NINL: variants seen among roughly 807,000 people sequenced by gnomAD.
NINL encodes ninein like, also known as ninein-like protein.
NINL carries 153 observed loss-of-function variants against 160.3 expected under a neutral mutation model. That is an observed-to-expected ratio of 0.95 (90% confidence interval 0.84 to 1.09). The LOEUF is 1.09. NINL is among the 50% of genes least tolerant of loss of function. NINL has a pLI of 0.00. For missense variants in NINL, 1,829 were observed against 1,764.0 expected (o/e 1.04, Z -0.66); for synonymous variants, 800 against 734.8 (o/e 1.09, Z -1.43).
intron 1 of NINL, among the ~76,000 whole-genome samples, chr20:25,550,525 T>A (rs1156939377): frequency 6.6e-6 from 1 of 151,854 alleles, no homozygotes; most frequent in African/African-American, 2.4e-5. Context: ...TATTTATTGA[T>A]CACTATCTAT....
intron 1 of NINL, among the ~76,000 whole-genome samples, chr20:25,533,481 A>G (rs1221995580): frequency 6.6e-6 from 1 of 152,234 alleles, no homozygotes; most frequent in Non-Finnish European, 1.5e-5. Flanking sequence ...AAGCTCCTAT[A>G]AAGTGTATCT....
intron 19 of NINL, among the ~76,000 whole-genome samples, chr20:25,463,684 C>G (rs764417032): frequency 3.3e-5 from 5 of 152,238 alleles, no homozygotes; most frequent in African/African-American, 4.8e-5. Flanking sequence ...CTGACCCGCT[C>G]TCAGCACAAT....
intron 1 of NINL, among the ~76,000 whole-genome samples, chr20:25,574,294 G>A (rs551050029): frequency 6.6e-5 from 10 of 151,306 alleles, no homozygotes; most frequent in Non-Finnish European, 1.5e-4. Flanking sequence ...GTCATTTCAA[G>A]AAACAAAGCT....
At chr20:25,462,270 A>C in intron 20 of NINL, 113 bp downstream of exon 20, 1 of 936,010 alleles carries the variant, frequency 1.1e-6, no homozygotes. Context: ...ATGCTTGGGA[A>C]GTCCCTCACT....
chr20:25,554,298 C>T (rs1042701469), intron 1 of NINL, among the ~76,000 whole-genome samples: 3 of 152,100 alleles, frequency 2.0e-5, no homozygotes, highest in African/African-American at 7.2e-5. Context: ...AAGGACAGCC[C>T]CCTGAGTGCC....
intron 5 of NINL, 77 bp downstream of exon 5, chr20:25,510,597 G>A: frequency 7.8e-7 from 1 of 1,277,044 alleles, no homozygotes; most frequent in South Asian, 1.2e-5. Context: ...GTTGCACACT[G>A]CCCAATGACC....
chr20:25,510,436 C>T (rs1189276650), intron 5 of NINL, among the ~76,000 whole-genome samples: 5 of 152,230 alleles, frequency 3.3e-5, no homozygotes, highest in South Asian at 2.1e-4. Context: ...CCCTCGGCCA[C>T]GGGCCTCTGC....
chr20:25,463,267 G>A (rs1393954771), intron 19 of NINL, among the ~76,000 whole-genome samples: 7 of 152,104 alleles, frequency 4.6e-5, no homozygotes, highest in Non-Finnish European at 8.8e-5. Context: ...GACCTTTCAC[G>A]TTTTTCTCAT....
chr20:25,457,492 A>G (rs2090718051), intron 22 of NINL, among the ~76,000 whole-genome samples: 1 of 152,214 alleles, frequency 6.6e-6, no homozygotes, highest in Non-Finnish European at 1.5e-5. Flanking sequence ...GTGTTAGTGT[A>G]TTCTTCTAGG....
At chr20:25,559,523 G>A (rs2147125177) in intron 1 of NINL, among the ~76,000 whole-genome samples, 1 of 152,284 alleles carries the variant, frequency 6.6e-6, no homozygotes, top group East Asian at 1.9e-4. Flanking sequence ...ACAGGCATCA[G>A]CCACCTCACC....
chr20:25,535,559 G>A (rs1366286984), intron 1 of NINL, among the ~76,000 whole-genome samples: 1 of 152,032 alleles, frequency 6.6e-6, no homozygotes, highest in Non-Finnish European at 1.5e-5. Flanking sequence ...AACTGGGGTG[G>A]GGGAGAAGTT....
intron 18 of NINL, among the ~76,000 whole-genome samples, chr20:25,469,624 C>T (rs932336816): frequency 6.6e-6 from 1 of 152,144 alleles, no homozygotes; most frequent in Non-Finnish European, 1.5e-5. Context: ...CTAGGAGCAC[C>T]TCTGACCCCT....
At chr20:25,551,792 T>C (rs1443861625) in intron 1 of NINL, among the ~76,000 whole-genome samples, 2 of 152,256 alleles carry the variant, frequency 1.3e-5, no homozygotes, top group African/African-American at 4.8e-5. Context: ...GAGCGTGTTC[T>C]GCACTTGGGA....
intron 21 of NINL, among the ~76,000 whole-genome samples, chr20:25,460,102 C>T (rs114882690): frequency 0.014 from 2,116 of 152,280 alleles, 48 homozygotes; most frequent in African/African-American, 0.045. Context: ...GAGGCCCCAT[C>T]CCTCTTGTCT....
chr20:25,503,837 A>T, intron 7 of NINL, 115 bp downstream of exon 7: 2 of 1,269,456 alleles, frequency 1.6e-6, no homozygotes, highest in Non-Finnish European at 2.3e-6. Context: ...TGGCCTGTCC[A>T]GTTCTTGGAC....
At chr20:25,535,288 G>A (rs1323382885) in intron 1 of NINL, among the ~76,000 whole-genome samples, 1 of 152,170 alleles carries the variant, frequency 6.6e-6, no homozygotes, top group Non-Finnish European at 1.5e-5. Context: ...TTGTTGGGTA[G>A]GGGTGCAAAG....
intron 1 of NINL, 73 bp from the exon 2 acceptor site, chr20:25,526,671 T>G: frequency 6.8e-7 from 1 of 1,474,120 alleles, no homozygotes; most frequent in Non-Finnish European, 9.3e-7. Flanking sequence ...ACACTGCCGG[T>G]GAGCACCGAG....
chr20:25,494,914 G>A lies in NINL; in HGVS notation c.1310+1749C>T, dbSNP rs145138268. On this transcript the variant is annotated intron_variant, in intron 10 of 23. Transcript: ENST00000278886. ...GGCCTTCGGCTGACCCAGAAACAGT[G>A]TAAGGCCAGGAGAAGGGAGACCTGG... Among the ~76,000 whole-genome samples the A allele has an allele frequency of 3.3e-3, 498 of 152,320 alleles. 3 individuals are homozygous for A. Among genetic ancestry groups the A allele is most frequent in the African/African-American group, 0.011 (446 of 41,564 alleles).
At chr20:25,578,617 C>A (rs1043451077) in intron 1 of NINL, among the ~76,000 whole-genome samples, 4 of 151,598 alleles carry the variant, frequency 2.6e-5, no homozygotes, top group Non-Finnish European at 5.9e-5. Flanking sequence ...CACGGTGAAA[C>A]CCCGTCTCTA....
Sources: gnomAD v4.1 joint callset for allele counts (sites outside exome capture counted in the v4.1 genomes callset) on GRCh38, gnomAD v4.1.1 for gene constraint, MANE v1.5 for transcripts, NCBI Gene and HGNC (gene_info 2026-07-23, HGNC 2026-07-21) for gene names.